The following RGMB variants were observed in gnomAD, a reference collection of about 807,000 sequenced individuals.
RGMB encodes repulsive guidance molecule B.
A neutral mutation model predicts 26.9 loss-of-function variants in RGMB; 16 were observed. The ratio of observed to expected loss-of-function variants is 0.60; its 90% confidence interval spans 0.40 to 0.90. The LOEUF is 0.90. Ranked by LOEUF, RGMB falls within the 40% of genes least tolerant of loss-of-function variation. The pLI, the probability that RGMB is intolerant of heterozygous loss-of-function variation, is 0.00. For synonymous variants in RGMB, 225 were observed against 229.3 expected (o/e 0.98, Z 0.17); for missense variants, 512 against 573.3 (o/e 0.89, Z 1.09).
At chr5:98,778,787 T>G (rs893104351) in intron 1 of RGMB, among the ~76,000 whole-genome samples, 1 of 152,194 alleles carries the variant, frequency 6.6e-6, no homozygotes, top group African/African-American at 2.4e-5. Flanking sequence ...TTCATAATGT[T>G]TATATGAATT....
At chr5:98,792,263 G>GT (rs1272499382) in intron 2 of RGMB, among the ~76,000 whole-genome samples, 6 of 152,182 alleles carry the variant, frequency 3.9e-5, no homozygotes, top group Admixed American at 3.9e-4. Context: ...ATGGGATACA[G>GT]TTTTTTAATC....
intron 1 of RGMB, among the ~76,000 whole-genome samples, chr5:98,774,889 C>T (rs984951308): frequency 2.6e-5 from 4 of 152,158 alleles, no homozygotes; most frequent in Non-Finnish European, 5.9e-5. Flanking sequence ...GTCGGCGCTT[C>T]CCCAGCCTTG....
At chr5:98,787,649 A>T (rs760059053) in intron 2 of RGMB, among the ~76,000 whole-genome samples, 2 of 152,226 alleles carry the variant, frequency 1.3e-5, no homozygotes, top group Non-Finnish European at 2.9e-5. Context: ...AGACAAGCTA[A>T]GGGAGAGGTT....
intron 2 of RGMB, chr5:98,781,066 T>C (rs1366506373): frequency 6.6e-6 from 1 of 152,258 alleles, no homozygotes; most frequent in Non-Finnish European, 1.5e-5. Flanking sequence ...TTTAATGTAA[T>C]TGACAAGACT....
At chr5:98,769,562 G>T (rs1746084062), upstream of RGMB, 2 of 152,452 alleles carry the variant, frequency 1.3e-5, no homozygotes, top group Admixed American at 6.5e-5. Flanking sequence ...CGCCTCGGCC[G>T]CGTGGCTTGC....
chr5:98,793,257 C>T lies in RGMB; in HGVS notation c.818C>T (p.Ala273Val), dbSNP rs370801457. Residue 273 changes from alanine (A) to valine (V), a missense_variant, in exon 3 of 3, where the codon GCC becomes GTC. By Grantham distance (64) the Ala-to-Val change is moderately conservative. Coordinates refer to ENST00000513185, the MANE Select transcript of RGMB (RefSeq NM_001366508.1). ...RESGHYVEMH[A>V]RYIGTTVFVR... ...AGTGGCCACTATGTGGAGATGCACG[C>T]CCGCTATATAGGGACCACAGTGTTT... is the stretch of plus-strand genomic sequence containing the variant. 38 of 1,613,864 alleles carry T rather than the reference C, an allele frequency of 2.4e-5. No individual in the cohort carries two copies. Among genetic ancestry groups the T allele is most frequent in the African/African-American group, 1.2e-4 (9 of 74,926 alleles).
Position 98,779,907 on chromosome 5 carries a change from A to G in RGMB, c.464A>G (p.Gln155Arg). The G allele has an allele frequency of 1.2e-6, 2 of 1,613,972 alleles. No individual in the cohort carries two copies. The highest frequency in any genetic ancestry group is 8.5e-7 in the Non-Finnish European group (1 of 1,179,844). The change falls in exon 2 of 3, where the codon CAG (glutamine) becomes CGG (arginine). Residue 155 changes from glutamine (Q) to arginine (R), a missense_variant. Transcript: ENST00000513185. The stretch of plus-strand genomic sequence containing the variant: ...GCCAGGGAACACAGGAGAGGGGACC[A>G]GAACCCTCCCAGTTACCTTTTTTGT... ...AGAREHRRGD[Q>R]NPPSYLFCGL... is the part of the protein sequence containing the mutation.
At position 98,793,108 on chromosome 5, in the gene RGMB, CCAT is replaced by C. The variant is rs1223009769; in HGVS notation, c.670_672del (p.His224del). On this transcript the variant is annotated inframe_deletion, in exon 3 of 3. Transcript: ENST00000513185. ...AGATCACTATTATCTTCAAAGCCCA[CCAT>C]GAGTGTACAGATCAGAAAGTCTACC... The C allele has an allele frequency of 6.2e-7, 1 of 1,609,256 alleles. No homozygotes were observed. The highest frequency in any genetic ancestry group is 1.7e-5 in the Admixed American group (1 of 59,834).
chr5:98,772,490 A>C (rs1480941436), upstream of RGMB: 1 of 152,252 alleles, frequency 6.6e-6, no homozygotes. Context: ...ACAGTTGCCA[A>C]CTACGATTTG....
At chr5:98,770,479 A>C, upstream of RGMB, 1 of 444,908 alleles carries the variant, frequency 2.2e-6, no homozygotes. Context: ...CGGAGCCCGC[A>C]GGGATTGCGG....
intron 1 of RGMB, among the ~76,000 whole-genome samples, chr5:98,779,318 A>G (rs1167654098): frequency 2.0e-5 from 3 of 152,234 alleles, no homozygotes; most frequent in Non-Finnish European, 4.4e-5. Context: ...ACCTGTGATC[A>G]CTGGACTAGA....
upstream of RGMB, chr5:98,770,843 G>C (rs1021185035): frequency 6.9e-6 from 3 of 435,198 alleles, no homozygotes; most frequent in East Asian, 3.6e-5. Flanking sequence ...GCTGCTTGAC[G>C]CTGAGCTGTT....
rs965493719 is a variant in RGMB at position 98,776,374 on chromosome 5, A to AT, written c.136+2176dup. ...ACCTTTAGTTGCTTTATTTTATTTT[A>AT]TTTTTTTTAAGCAAACCTCTGCAAT... On this transcript the variant is annotated intron_variant, in intron 1 of 2. Coordinates refer to ENST00000513185, the MANE Select transcript of RGMB (RefSeq NM_001366508.1). Among the ~76,000 whole-genome samples, 424 of 152,084 alleles carry AT rather than the reference A, an allele frequency of 2.8e-3. 2 individuals carry two copies. Among genetic ancestry groups the AT allele is most frequent in the African/African-American group, 9.4e-3 (390 of 41,508 alleles).
Position 98,794,583 on chromosome 5 carries a change from C to G in RGMB, c.*830C>G, listed in dbSNP as rs552326166. 6.6e-6 allele frequency: 1 copy of G among 152,220 alleles called. No individual in the cohort carries two copies. The highest frequency in any genetic ancestry group is 2.1e-4 in the South Asian group (1 of 4,826). The allele number at this position is 152,220 out of a possible 1,614,324, so 9.4% of individuals were successfully genotyped here. ...ATTGTCAGTTTTCCCTCTGACTCTT[C>G]TGTGTTAAAACATGAAACTATAAAT... On this transcript the variant is annotated 3_prime_UTR_variant, in exon 3 of 3. Transcript: ENST00000513185.
chr5:98,774,070 C>T lies in RGMB; in HGVS notation c.-1C>T, dbSNP rs1026653773. 3.1e-6 allele frequency: 3 copies of T among 980,630 alleles called. No individual in the cohort carries two copies. The Admixed American group carries it at 6.5e-5, about 21-fold the overall frequency. 60.7% of individuals were successfully genotyped at this position (980,630 alleles called of 1,614,324 possible). On this transcript the variant is annotated 5_prime_UTR_variant, in exon 1 of 3. Transcript: ENST00000513185. The stretch of plus-strand genomic sequence containing the variant: ...AGCCCACGAGACCTGCATGGACGGG[C>T]ATGGGCTTGAGAGCAGCACCTTCCA...
At position 98,794,446 on chromosome 5, in the gene RGMB, T is replaced by C. The variant is rs1433430774; in HGVS notation, c.*693T>C. 1.3e-5 allele frequency: 2 copies of C among 152,228 alleles called. No homozygotes were observed. Among genetic ancestry groups the C allele is most frequent in the Non-Finnish European group, 1.5e-5 (1 of 68,042 alleles). The allele number at this position is 152,228 out of a possible 1,614,324, so 9.4% of individuals were successfully genotyped here. On this transcript the variant is annotated 3_prime_UTR_variant, in exon 3 of 3. Coordinates refer to ENST00000513185, the MANE Select transcript of RGMB (RefSeq NM_001366508.1). ...CCATACAGTGTATTAGGTTGAACCA[T>C]AGAAACTGCTATTCTCGTAGGTCAA...
At chr5:98,780,553 T>C (rs1233384058) in intron 2 of RGMB, 1 of 154,768 alleles carries the variant, frequency 6.5e-6, no homozygotes, top group Non-Finnish European at 1.4e-5. Flanking sequence ...TAGTAAAACA[T>C]AATGGCAATA....
upstream of RGMB, chr5:98,770,707 G>A (rs1229295431): frequency 5.2e-6 from 7 of 1,355,648 alleles, no homozygotes; most frequent in Non-Finnish European, 6.9e-6. Context: ...CAAGTCGCCC[G>A]CTTGGCCCTC....
intron 2 of RGMB, 147 bp downstream of exon 2, chr5:98,780,235 A>G (rs764055587): frequency 1.1e-4 from 74 of 667,920 alleles, no homozygotes; most frequent in Non-Finnish European, 1.8e-4. Flanking sequence ...AGGGTTAAAT[A>G]AAAATTATCT....
Sources: gnomAD v4.1 joint callset for allele counts (sites outside exome capture counted in the v4.1 genomes callset) on GRCh38, gnomAD v4.1.1 for gene constraint, MANE v1.5 for transcripts, NCBI Gene and HGNC (gene_info 2026-07-23, HGNC 2026-07-21) for gene names.